The following ARRDC4 variants were observed in gnomAD, a reference collection of about 807,000 sequenced individuals.
ARRDC4 encodes the protein arrestin domain-containing protein 4.
ARRDC4 carries 40 observed loss-of-function variants against 44.6 expected under a neutral mutation model. That is an observed-to-expected ratio of 0.90 (90% CI 0.70 to 1.17). The LOEUF (loss-of-function observed/expected upper bound fraction) is 1.17, where lower values mean the gene tolerates loss of function less well. Among genes scored for constraint, ARRDC4 ranks in the 50% most tolerant of loss-of-function variants. The pLI, the probability that ARRDC4 is intolerant of heterozygous loss-of-function variation, is 0.00. For synonymous variants in ARRDC4, 211 were observed against 221.2 expected (o/e 0.95, Z 0.41); for missense variants, 550 against 559.1 (o/e 0.98, Z 0.16).
In ARRDC4 at chr15:97,969,926, TG is replaced by T. The variant is rs1489159139; in HGVS notation, c.927del (p.Pro310HisfsTer2). 9 of 1,608,126 alleles carry T rather than the reference TG, an allele frequency of 5.6e-6. No individual in the cohort carries two copies. The highest frequency in any genetic ancestry group is 6.8e-6 in the Non-Finnish European group (8 of 1,176,520). ...IPGAKKLMLE[L>X]PLVIGTIPYN... is the part of the protein sequence containing the mutation. ...GGTGCTAAAAAATTGATGCTCGAAC[TG>T]CCATTAGTGATCGGTACAATTCCAT... On this transcript the variant is annotated frameshift_variant, in exon 6 of 8. Coordinates refer to ENST00000268042, the MANE Select transcript of ARRDC4 (RefSeq NM_183376.3). LOFTEE classifies it high-confidence loss of function.
Position 97,969,441 on chromosome 15 carries a change from C to T in ARRDC4, c.882+62C>T, listed in dbSNP as rs1189935452. The T allele has an allele frequency of 4.5e-6, 7 of 1,566,960 alleles. No individual in the cohort carries two copies. In the East Asian group the frequency reaches 1.3e-4, roughly 30 times the overall value. ...ATGGACAATAACTGATGTCATGTTA[C>T]TGTGGGTATGTAGAGTTGCCTATAA... On this transcript the variant is annotated intron_variant, in intron 5 of 7. Transcript: ENST00000268042.
At chr15:97,964,492 C>CA (rs1199619762) in intron 1 of ARRDC4, among the ~76,000 whole-genome samples, 1 of 152,140 alleles carries the variant, frequency 6.6e-6, no homozygotes, top group Non-Finnish European at 1.5e-5. Flanking sequence ...CCGTGAAAGC[C>CA]ATGAAGTCTA....
At position 97,968,234 on chromosome 15, in the gene ARRDC4, GA is replaced by G. The variant is rs1193474361; in HGVS notation, c.625+120del. The G allele has an allele frequency of 2.2e-6, 1 of 464,318 alleles. No individual in the cohort carries two copies. The highest frequency in any genetic ancestry group is 3.6e-6 in the Non-Finnish European group (1 of 278,332). The allele number at this position is 464,318 out of a possible 1,614,324, so 28.8% of individuals were successfully genotyped here. ...TGACGTGTATAGTATTTTAAAACAT[GA>G]ATAGTGATACATTTTTTATATAAAT... On this transcript the variant is annotated intron_variant, in intron 4 of 7. Transcript: ENST00000268042. The surrounding 1 kb of genome is among the most constrained non-coding windows in gnomAD (Gnocchi z 5.4).
intron 1 of ARRDC4, among the ~76,000 whole-genome samples, 170 bp downstream of exon 1, chr15:97,961,338 G>A (rs28554006): frequency 0.016 from 2,507 of 152,300 alleles, 56 homozygotes; most frequent in African/African-American, 0.056. Flanking sequence ...AGTCCTGGGT[G>A]CGCAGCTCTT....
In ARRDC4 at chr15:97,965,910, G is replaced by T. The variant is rs138382305; in HGVS notation, c.390G>T (p.Ser130=). 6.2e-7 allele frequency: 1 copy of T among 1,613,930 alleles called. No homozygotes were observed. The highest frequency in any genetic ancestry group is 8.5e-7 in the Non-Finnish European group (1 of 1,179,988). Residue 130 remains serine (S), a synonymous_variant, in exon 3 of 8, where the codon TCG becomes TCT. Coordinates refer to ENST00000268042, the MANE Select transcript of ARRDC4 (RefSeq NM_183376.3). This position sits in a 1 kb window ranked among gnomAD's most constrained non-coding sequence, Gnocchi z 5.1. ...FQLPSEPLVT[S]FTGKYGSIQY... Reference sequence around the variant, plus strand: ...TTGGTTTCAGACCTTTGGTCACCTCGTTTACTGGGAAATATGGAAGCATTC... The same window carrying T: ...TTGGTTTCAGACCTTTGGTCACCTCTTTTACTGGGAAATATGGAAGCATTC...
At chr15:97,962,501 A>C (rs114829180) in intron 1 of ARRDC4, among the ~76,000 whole-genome samples, 1,592 of 152,280 alleles carry the variant, frequency 0.01, 17 homozygotes, top group African/African-American at 0.035. Flanking sequence ...CTGGGCCTAT[A>C]ACTGCTGAGT....
chr15:97,961,038 C>G lies in ARRDC4; in HGVS notation c.177C>G (p.Ala59=). The part of the protein sequence containing the change: ...PVALRALRLE[A]QGRATAAWGP... Reference sequence around the variant, plus strand: ...CCCTGCGCGCGCTGCGCCTGGAGGCCCAGGGGCGCGCCACCGCCGCCTGGG... The same window carrying G: ...CCCTGCGCGCGCTGCGCCTGGAGGCGCAGGGGCGCGCCACCGCCGCCTGGG... Residue 59 remains alanine, a synonymous_variant, in exon 1 of 8, where the codon GCC becomes GCG. Transcript: ENST00000268042. 1 of 1,435,186 alleles carries G rather than the reference C, an allele frequency of 7.0e-7. No individual in the cohort carries two copies. Among genetic ancestry groups the G allele is most frequent in the Non-Finnish European group, 9.1e-7 (1 of 1,098,566 alleles). The allele number at this position is 1,435,186 out of a possible 1,614,324, so 88.9% of individuals were successfully genotyped here.
At position 97,960,725 on chromosome 15, in the gene ARRDC4, T is replaced by C. The variant is rs535535676; in HGVS notation, c.-137T>C. 2.4e-3 allele frequency: 1,717 copies of C among 719,768 alleles called. 5 individuals carry two copies. Among genetic ancestry groups the C allele is most frequent in the Admixed American group, 4.2e-3 (96 of 22,716 alleles). 44.6% of individuals were successfully genotyped at this position (719,768 alleles called of 1,614,324 possible). ...AGCGACAGGCCTCTCGGCGAGCCGG[T>C]GCCCCATCGGGTACCGCACGGCTGC... On this transcript the variant is annotated 5_prime_UTR_variant, in exon 1 of 8. Coordinates refer to ENST00000268042, the MANE Select transcript of ARRDC4 (RefSeq NM_183376.3).
In ARRDC4 at chr15:97,962,000, T is replaced by A. The variant is rs150791304; in HGVS notation, c.307+832T>A. Among the ~76,000 whole-genome samples the A allele has an allele frequency of 7.2e-3, 1,104 of 152,300 alleles. 11 individuals are homozygous for A. Among genetic ancestry groups the A allele is most frequent in the Middle Eastern group, 0.061 (18 of 294 alleles). Reference sequence around the variant, plus strand: ...ATTAATATTAGATACCAAAATTGGATCCCTTTAGTCACGAAAATACTAAGA... The same window carrying A: ...ATTAATATTAGATACCAAAATTGGAACCCTTTAGTCACGAAAATACTAAGA... On this transcript the variant is annotated intron_variant, in intron 1 of 7. Coordinates refer to ENST00000268042, the MANE Select transcript of ARRDC4 (RefSeq NM_183376.3).
At chr15:97,964,040 A>C (rs554132846) in intron 1 of ARRDC4, among the ~76,000 whole-genome samples, 1 of 152,260 alleles carries the variant, frequency 6.6e-6, no homozygotes, top group African/African-American at 2.4e-5. Flanking sequence ...CTTTGCCTCC[A>C]GTCACCCAAC....
rs563846960 is a variant in ARRDC4 at position 97,970,375 on chromosome 15, A to G, written c.1046-214A>G. On this transcript the variant is annotated intron_variant, in intron 6 of 7. Coordinates refer to ENST00000268042, the MANE Select transcript of ARRDC4 (RefSeq NM_183376.3). This position sits in a 1 kb window ranked among gnomAD's most constrained non-coding sequence, Gnocchi z 4.2. ...ATATTTCAGTGATATTTGTTTACCTATATCTCAAGAGACTAGAATAGAAGC... is the reference window on the plus strand; with the variant it reads ...ATATTTCAGTGATATTTGTTTACCTGTATCTCAAGAGACTAGAATAGAAGC... Among the ~76,000 whole-genome samples, 20 of 152,304 alleles carry G rather than the reference A, an allele frequency of 1.3e-4. No homozygotes were observed. The highest frequency in any genetic ancestry group is 7.7e-4 in the East Asian group (4 of 5,188).
At chr15:97,969,445 G>C (rs1442980819) in intron 5 of ARRDC4, 66 bp downstream of exon 5, 16 of 1,551,728 alleles carry the variant, frequency 1.0e-5, no homozygotes, top group Middle Eastern at 1.7e-4. Flanking sequence ...ATGTTACTGT[G>C]GGTATGTAGA....
chr15:97,965,730 C>A lies in ARRDC4; in HGVS notation c.374+64C>A. 6.6e-7 allele frequency: 1 copy of A among 1,512,738 alleles called. No individual in the cohort carries two copies. 93.7% of individuals were successfully genotyped at this position (1,512,738 alleles called of 1,614,324 possible). A position where few individuals can be genotyped will look rare whatever the true frequency, so the allele number is the denominator to read the frequency against. On this transcript the variant is annotated intron_variant, in intron 2 of 7. Transcript: ENST00000268042. This position sits in a 1 kb window ranked among gnomAD's most constrained non-coding sequence, Gnocchi z 5.1. The stretch of plus-strand genomic sequence containing the variant: ...GCAGTATGTCCATTCAAGTTTATCA[C>A]TGCTAGGTCTCTTCTGATTCTCAAG...
In ARRDC4 at chr15:97,965,505, C is replaced by T. The variant is rs55823836; in HGVS notation, c.308-95C>T. The T allele has an allele frequency of 0.043, 45,158 of 1,043,462 alleles. 4,722 individuals are homozygous for T. The highest frequency in any genetic ancestry group is 0.37 in the African/African-American group (23,151 of 62,890). The allele number at this position is 1,043,462 out of a possible 1,614,324, so 64.6% of individuals were successfully genotyped here. A position where few individuals can be genotyped will look rare whatever the true frequency, so the allele number is the denominator to read the frequency against. ...TTTTGGAGTATGCTGCATTTTGTAG[C>T]GAGAAAAACTTCCTTCAAAAAATTA... is the stretch of plus-strand genomic sequence containing the variant. On this transcript the variant is annotated intron_variant, in intron 1 of 7. Coordinates refer to ENST00000268042, the MANE Select transcript of ARRDC4 (RefSeq NM_183376.3). This position sits in a 1 kb window ranked among gnomAD's most constrained non-coding sequence, Gnocchi z 5.1.
In ARRDC4 at chr15:97,960,828, C is replaced by T. The variant is rs908293787; in HGVS notation, c.-34C>T. On this transcript the variant is annotated 5_prime_UTR_variant, in exon 1 of 8. Coordinates refer to ENST00000268042, the MANE Select transcript of ARRDC4 (RefSeq NM_183376.3). ...CGCGACCCCGGCTCCGGGCCTCTGC[C>T]GACCTCAGGGGCAGGAAAGAGTCGC... 2 of 1,278,160 alleles carry T rather than the reference C, an allele frequency of 1.6e-6. No individual in the cohort carries two copies. The highest frequency in any genetic ancestry group is 3.2e-5 in the East Asian group (1 of 31,580). 79.2% of individuals were successfully genotyped at this position (1,278,160 alleles called of 1,614,324 possible).
chr15:97,962,633 A>G (rs935397319), intron 1 of ARRDC4, among the ~76,000 whole-genome samples: 2 of 152,230 alleles, frequency 1.3e-5, no homozygotes, highest in African/African-American at 4.8e-5. Flanking sequence ...ACACACACAC[A>G]TATATACACA....
chr15:97,961,282 C>G, intron 1 of ARRDC4, 114 bp downstream of exon 1: 1 of 1,017,656 alleles, frequency 9.8e-7, no homozygotes, highest in Non-Finnish European at 1.3e-6. Context: ...GGGCGGGCTT[C>G]CGGGGGTGGG....
At position 97,970,432 on chromosome 15, in the gene ARRDC4, A is replaced by G. The variant is rs1357756132; in HGVS notation, c.1046-157A>G. Among the ~76,000 whole-genome samples, 1 of 152,180 alleles carries G rather than the reference A, an allele frequency of 6.6e-6. No individual in the cohort carries two copies. The highest frequency in any genetic ancestry group is 1.9e-4 in the East Asian group (1 of 5,202). The stretch of plus-strand genomic sequence containing the variant: ...TAGTAGTTTAATAAAAGGAGAATCT[A>G]TTTTTTATTGTAATATGCATAAAAC... On this transcript the variant is annotated intron_variant, in intron 6 of 7. Transcript: ENST00000268042. This position sits in a 1 kb window ranked among gnomAD's most constrained non-coding sequence, Gnocchi z 4.2.
chr15:97,966,071 CCTTTTCCTCCTT>C lies in ARRDC4; in HGVS notation c.522+31_522+42del. 6.2e-7 allele frequency: 1 copy of C among 1,609,220 alleles called. No individual in the cohort carries two copies. Among genetic ancestry groups the C allele is most frequent in the Admixed American group, 1.7e-5 (1 of 59,620 alleles). On this transcript the variant is annotated intron_variant, in intron 3 of 7. Transcript: ENST00000268042. This position sits in a 1 kb window ranked among gnomAD's most constrained non-coding sequence, Gnocchi z 4.7. ...AGTTCTTCCTTTTTCTCTTCCTCCT[CCTTTTCCTCCTT>C]CCCTCCCTTCCTCCTTCCTTTCAAC...
Sources: gnomAD v4.1 joint callset for allele counts (sites outside exome capture counted in the v4.1 genomes callset) on GRCh38, gnomAD v4.1.1 for gene constraint, Gnocchi (gnomAD v3.1) non-coding constraint, MANE v1.5 for transcripts, NCBI Gene and HGNC (gene_info 2026-07-23, HGNC 2026-07-21) for gene names.